Variants in LIPG observed in about 807,000 individuals in gnomAD.
LIPG encodes endothelial lipase.
In LIPG, 34 loss-of-function variants were observed where a neutral mutation model predicts 51.8. The observed-to-expected ratio is 0.66, with a 90% confidence interval of 0.50 to 0.87. The LOEUF is 0.87. LIPG is among the 40% of genes least tolerant of loss of function. LIPG has a pLI of 0.00. For missense variants in LIPG, 580 were observed against 652.7 expected (o/e 0.89, Z 1.21); for synonymous variants, 246 against 246.1 (o/e 1.00, Z 0.00).
chr18:49,573,940 T>C (rs2084689302), intron 4 of LIPG, among the ~76,000 whole-genome samples: 1 of 152,194 alleles, frequency 6.6e-6, no homozygotes, highest in Admixed American at 6.5e-5. Flanking sequence ...GATTGACTTG[T>C]GCACTGTAGA....
rs1428041630 is a variant in LIPG at position 49,567,483 on chromosome 18, A to T, written c.321A>T (p.Ser107=). Residue 107 remains serine (S), a synonymous_variant, in exon 3 of 10, where the codon TCA becomes TCT. Coordinates refer to ENST00000261292, the MANE Select transcript of LIPG (RefSeq NM_006033.4). ...IFENWLHKLV[S]ALHTREKDAN... ...AAAACTGGCTGCACAAACTCGTGTC[A>T]GCCCTGCACACAAGAGAGAAAGACG... 1 of 1,614,212 alleles carries T rather than the reference A, an allele frequency of 6.2e-7. No individual in the cohort carries two copies. The highest frequency in any genetic ancestry group is 1.1e-5 in the South Asian group (1 of 91,086).
In LIPG at chr18:49,593,787, G is replaced by A. The variant is rs184410373; in HGVS notation, c.*3265G>A. The A allele has an allele frequency of 2.0e-5, 3 of 152,286 alleles. No individual in the cohort carries two copies. The East Asian group carries it at 5.8e-4, about 29-fold the overall frequency. 9.4% of individuals were successfully genotyped at this position (152,286 alleles called of 1,614,324 possible). On this transcript the variant is annotated 3_prime_UTR_variant, in exon 10 of 10. Transcript: ENST00000261292. ...TTCTATTGGCCAGAAATAAATCCAT[G>A]GTCACATGACAGGCTGGGAAATACA...
intron 4 of LIPG, among the ~76,000 whole-genome samples, chr18:49,570,329 T>G (rs1253304977): frequency 4.6e-5 from 7 of 152,208 alleles, no homozygotes; most frequent in African/African-American, 1.7e-4. Context: ...AGGTTTTCTT[T>G]CTCATTTTTG....
At chr18:49,566,272 G>A (rs1440737068) in intron 2 of LIPG, among the ~76,000 whole-genome samples, 1 of 152,166 alleles carries the variant, frequency 6.6e-6, no homozygotes, top group Non-Finnish European at 1.5e-5. Context: ...TGCCTACCTA[G>A]TTGAATGAAG....
At chr18:49,561,744 C>T, upstream of LIPG, 3 of 1,244,210 alleles carry the variant, frequency 2.4e-6, no homozygotes, top group African/African-American at 4.6e-5. Context: ...GGGAAATGTC[C>T]GCCTCCGCCA....
Position 49,596,607 on chromosome 18 carries a change from C to T in LIPG, c.*6085C>T, listed in dbSNP as rs938524532. 2 of 144,520 alleles carry T rather than the reference C, an allele frequency of 1.4e-5. No individual in the cohort carries two copies. Among genetic ancestry groups the T allele is most frequent in the African/African-American group, 5.2e-5 (2 of 38,316 alleles). 9.0% of individuals were successfully genotyped at this position (144,520 alleles called of 1,614,324 possible). A position where few individuals can be genotyped will look rare whatever the true frequency, so the allele number is the denominator to read the frequency against. ...CCTAGATCACGGCACTACACTCCAGCCTGGGCAACAAGAGCAAATCTCTAT... is the reference window on the plus strand; with the variant it reads ...CCTAGATCACGGCACTACACTCCAGTCTGGGCAACAAGAGCAAATCTCTAT... On this transcript the variant is annotated 3_prime_UTR_variant, in exon 10 of 10. Coordinates refer to ENST00000261292, the MANE Select transcript of LIPG (RefSeq NM_006033.4).
chr18:49,587,901 GC>G (rs1202339236), intron 9 of LIPG, among the ~76,000 whole-genome samples: 1 of 151,794 alleles, frequency 6.6e-6, no homozygotes, highest in East Asian at 1.9e-4. Flanking sequence ...TGATCCTTCC[GC>G]CTTTGCCTCC....
chr18:49,582,823 A>G (rs1024196243), intron 7 of LIPG, among the ~76,000 whole-genome samples: 2 of 152,246 alleles, frequency 1.3e-5, no homozygotes, highest in African/African-American at 4.8e-5. Context: ...CGTAAACGTC[A>G]TCCCTGGACC....
At chr18:49,567,410 G>A in intron 2 of LIPG, 32 bp from the exon 3 acceptor site, 11 of 1,604,316 alleles carry the variant, frequency 6.9e-6, no homozygotes, top group Non-Finnish European at 9.4e-6. Flanking sequence ...CTGAAACCAA[G>A]AATAAAAAAC....
intron 7 of LIPG, 24 bp from the exon 8 acceptor site, chr18:49,583,532 G>A: frequency 6.2e-7 from 1 of 1,605,256 alleles, no homozygotes; most frequent in Non-Finnish European, 8.5e-7. Context: ...AGGGGAGTGA[G>A]ATCAGCTTCT....
intron 9 of LIPG, among the ~76,000 whole-genome samples, chr18:49,587,268 C>T (rs2084891285): frequency 6.7e-6 from 1 of 150,212 alleles, no homozygotes; most frequent in African/African-American, 2.5e-5. Flanking sequence ...GAATGAAGCT[C>T]TGTCTCAAAA....
intron 5 of LIPG, among the ~76,000 whole-genome samples, chr18:49,577,857 T>C (rs1367080920): frequency 1.7e-4 from 13 of 74,440 alleles, no homozygotes; most frequent in South Asian, 6.2e-4. Flanking sequence ...GACCCCCCCA[T>C]CTCCCTCCCA....
chr18:49,584,873 C>G (rs894636942), intron 8 of LIPG, among the ~76,000 whole-genome samples: 7 of 152,196 alleles, frequency 4.6e-5, no homozygotes, highest in African/African-American at 1.7e-4. Flanking sequence ...ACCATTGAGA[C>G]TCACAAATGT....
intron 9 of LIPG, chr18:49,590,216 G>T: frequency 2.0e-6 from 1 of 502,578 alleles, no homozygotes; most frequent in South Asian, 1.9e-5. Context: ...TGTATGTTGT[G>T]GGTGGATAAT....
chr18:49,562,937 C>T (rs887882478), intron 1 of LIPG, among the ~76,000 whole-genome samples: 1 of 152,180 alleles, frequency 6.6e-6, no homozygotes, highest in Non-Finnish European at 1.5e-5. Flanking sequence ...CCCCAGGTTG[C>T]CAGCCTTTTC....
chr18:49,562,514 A>G (rs924468101), intron 1 of LIPG, 109 bp downstream of exon 1: 2 of 991,896 alleles, frequency 2.0e-6, no homozygotes, highest in Non-Finnish European at 3.1e-6. Flanking sequence ...TTCCTTTCCC[A>G]CTGCGCTGCC....
intron 5 of LIPG, among the ~76,000 whole-genome samples, chr18:49,575,997 C>G (rs558524017): frequency 1.3e-5 from 2 of 152,102 alleles, no homozygotes; most frequent in South Asian, 4.2e-4. Flanking sequence ...TGCCACCATG[C>G]CTGGCTAATT....
chr18:49,568,176 T>G (rs1323158047), intron 3 of LIPG, among the ~76,000 whole-genome samples: 1 of 152,042 alleles, frequency 6.6e-6, no homozygotes, highest in Non-Finnish European at 1.5e-5. Context: ...ACTACAGGCC[T>G]GTGTCACCAT....
In LIPG at chr18:49,562,344, C is replaced by G; in HGVS notation, c.36C>G (p.Ser12Arg). The change falls in exon 1 of 10, where the codon AGC becomes AGG. Residue 12 changes from serine to arginine, a missense_variant. Physicochemically the swap from Ser to Arg is moderately radical, Grantham distance 110 (BLOSUM62 -1). Transcript: ENST00000261292. Reference sequence around the variant, plus strand: ...CCGTTCCTCTGCTCTGTTTCTGGAGCCTCTGCTATTGCTTTGCTGCGGGGA... The same window carrying G: ...CCGTTCCTCTGCTCTGTTTCTGGAGGCTCTGCTATTGCTTTGCTGCGGGGA... ...SNSVPLLCFW[S>R]LCYCFAAGSP... The G allele has an allele frequency of 6.2e-7, 1 of 1,613,348 alleles. No individual in the cohort carries two copies. The highest frequency in any genetic ancestry group is 8.5e-7 in the Non-Finnish European group (1 of 1,180,028).
Sources: allele counts gnomAD v4.1 joint callset (sites outside exome capture counted in the v4.1 genomes callset), GRCh38; gene constraint gnomAD v4.1.1; transcripts MANE v1.5; gene names NCBI Gene and HGNC (gene_info 2026-07-23, HGNC 2026-07-21).